The following RBFOX1 variants were observed in gnomAD, a reference collection of about 807,000 sequenced individuals.
RBFOX1 encodes the protein RNA binding protein fox-1 homolog 1.
Under a neutral mutation model 57.7 loss-of-function variants are expected in RBFOX1, and 8 were observed. That is an observed-to-expected ratio of 0.14 (90% CI 0.08 to 0.25). The LOEUF (loss-of-function observed/expected upper bound fraction) is 0.25. RBFOX1 is among the 10% of genes least tolerant of loss of function. RBFOX1 has a pLI of 1.00. For missense variants in RBFOX1, 611 were observed against 548.5 expected (o/e 1.11, Z -1.14); for synonymous variants, 326 against 222.4 (o/e 1.47, Z -4.15).
Position 5,950,888 on chromosome 16 carries a change from A to G in RBFOX1, c.351+83553A>G, listed in dbSNP as rs116929882. Among the ~76,000 whole-genome samples, 52 of 152,182 alleles carry G rather than the reference A, an allele frequency of 3.4e-4. 1 individual carries two copies. The East Asian group carries it at 5.2e-3, about 15-fold the overall frequency. ...GAGGGAGCTAGGGGGAGATGGCATTATGGGGGAGGGGCATCCAACCCAGGC... is the reference window on the plus strand; with the variant it reads ...GAGGGAGCTAGGGGGAGATGGCATTGTGGGGGAGGGGCATCCAACCCAGGC... On this transcript the variant is annotated intron_variant, in intron 4 of 19. Coordinates refer to the RBFOX1 transcript ENST00000641259.
chr16:6,299,112 G>T (rs1435378851), intron 1 of RBFOX1, among the ~76,000 whole-genome samples: 1 of 152,194 alleles, frequency 6.6e-6, no homozygotes, highest in Non-Finnish European at 1.5e-5. Flanking sequence ...GTAACCCCAA[G>T]CAATGCAGCA....
intron 1 of RBFOX1, among the ~76,000 whole-genome samples, chr16:6,303,236 T>G (rs1327681975): frequency 2.0e-5 from 3 of 152,188 alleles, no homozygotes; most frequent in Admixed American, 2.0e-4. Context: ...ATAGCTTAGT[T>G]CCGATCACTT....
At chr16:5,941,819 G>A (rs908869212) in intron 4 of RBFOX1, among the ~76,000 whole-genome samples, 9 of 151,888 alleles carry the variant, frequency 5.9e-5, no homozygotes, top group South Asian at 2.1e-4. Flanking sequence ...TGCTCCGTGC[G>A]AAATAGACAA....
chr16:6,966,573 A>C (rs1208480500), intron 3 of RBFOX1, among the ~76,000 whole-genome samples: 1 of 152,206 alleles, frequency 6.6e-6, no homozygotes, highest in Admixed American at 6.5e-5. Context: ...AAAGAATGGA[A>C]GATACGTTAG....
At chr16:7,149,809 T>G (rs2075772365) in intron 4 of RBFOX1, among the ~76,000 whole-genome samples, 1 of 152,136 alleles carries the variant, frequency 6.6e-6, no homozygotes, top group Non-Finnish European at 1.5e-5. Flanking sequence ...CTAGCCACAT[T>G]GCTTCCTACT....
chr16:7,579,949 C>G (rs774411737), intron 6 of RBFOX1, 29 bp downstream of exon 6: 1 of 1,610,812 alleles, frequency 6.2e-7, no homozygotes, highest in South Asian at 1.1e-5. Context: ...CCCAGCAGTG[C>G]CCGCTCTGGG....
At chr16:5,545,368 A>G (rs911750418) in intron 2 of RBFOX1, among the ~76,000 whole-genome samples, 3 of 152,206 alleles carry the variant, frequency 2.0e-5, no homozygotes, top group Admixed American at 2.0e-4. Flanking sequence ...TTTAGGAGAC[A>G]GGTATTGCCC....
At chr16:5,633,945 A>C (rs886398659) in intron 3 of RBFOX1, among the ~76,000 whole-genome samples, 1 of 152,150 alleles carries the variant, frequency 6.6e-6, no homozygotes, top group East Asian at 1.9e-4. Flanking sequence ...AATGCTCAAC[A>C]TCCCTAATTA....
At chr16:7,476,511 C>G (rs1344113050) in intron 4 of RBFOX1, among the ~76,000 whole-genome samples, 1 of 152,196 alleles carries the variant, frequency 6.6e-6, no homozygotes, top group African/African-American at 2.4e-5. Context: ...TGCCCAGGTT[C>G]ACACAACTCA....
intron 4 of RBFOX1, among the ~76,000 whole-genome samples, chr16:5,912,125 C>G (rs898239267): frequency 1.3e-5 from 2 of 152,152 alleles, no homozygotes; most frequent in African/African-American, 4.8e-5. Flanking sequence ...CAGACCTGAG[C>G]TTCACACCCA....
chr16:6,309,903 T>C (rs774844534), intron 1 of RBFOX1, among the ~76,000 whole-genome samples: 18 of 152,232 alleles, frequency 1.2e-4, no homozygotes, highest in Non-Finnish European at 2.2e-4. Context: ...TTAGTAGTAG[T>C]AGTAGCATTT....
At chr16:6,029,248 G>C (rs149360988) in intron 1 of RBFOX1, among the ~76,000 whole-genome samples, 1 of 152,288 alleles carries the variant, frequency 6.6e-6, no homozygotes, top group African/African-American at 2.4e-5. Flanking sequence ...GGTTTTGTCT[G>C]TGTAAACCTA....
intron 1 of RBFOX1, among the ~76,000 whole-genome samples, chr16:6,226,518 G>C (rs768105242): frequency 7.2e-5 from 11 of 152,108 alleles, no homozygotes; most frequent in Admixed American, 2.6e-4. Context: ...CATTGAAGCG[G>C]TGTTCAAGTT....
At chr16:7,098,119 A>G (rs1599428646) in intron 4 of RBFOX1, among the ~76,000 whole-genome samples, 1 of 152,196 alleles carries the variant, frequency 6.6e-6, no homozygotes, top group South Asian at 2.1e-4. Flanking sequence ...AAGGAACACA[A>G]TTAGTTAATG....
intron 3 of RBFOX1, chr16:5,838,537 T>C (rs1597444939): frequency 6.3e-6 from 1 of 158,436 alleles, no homozygotes; most frequent in African/African-American, 2.4e-5. Context: ...TGTGCTTAGA[T>C]GACTGTTTGG....
rs145857214 is a variant in RBFOX1, at chr16:5,696,341, G to A, written c.318+97380G>A. ...ATCTGGGTTTTCACATGTAATGCCA[G>A]TTTATTCATTTTAACTTCTGTATAA... On this transcript the variant is annotated intron_variant, in intron 3 of 19. Coordinates refer to the RBFOX1 transcript ENST00000641259. 4.4e-3 allele frequency among the ~76,000 whole-genome samples: 668 copies of A among 152,222 alleles called. 5 individuals are homozygous for A. Among genetic ancestry groups the A allele is most frequent in the African/African-American group, 0.015 (633 of 41,532 alleles).
intron 3 of RBFOX1, among the ~76,000 whole-genome samples, chr16:5,807,898 C>T (rs1435558441): frequency 3.3e-5 from 5 of 152,216 alleles, no homozygotes; most frequent in African/African-American, 1.2e-4. Context: ...GGACACTTTC[C>T]AGAACCACAT....
At chr16:7,336,665 C>T (rs2096794320) in intron 4 of RBFOX1, among the ~76,000 whole-genome samples, 2 of 152,180 alleles carry the variant, frequency 1.3e-5, no homozygotes, top group Admixed American at 6.5e-5. Context: ...TTGTTGAACA[C>T]AATATTGTCA....
chr16:7,439,596 T>G (rs1186048148), intron 4 of RBFOX1, among the ~76,000 whole-genome samples: 1 of 152,236 alleles, frequency 6.6e-6, no homozygotes, highest in Non-Finnish European at 1.5e-5. Context: ...ATGCTTTAAA[T>G]GCAAAATGTC....
Sources: gnomAD v4.1 joint callset for allele counts (sites outside exome capture counted in the v4.1 genomes callset) on GRCh38, gnomAD v4.1.1 for gene constraint, MANE v1.5 for transcripts, NCBI Gene and HGNC (gene_info 2026-07-23, HGNC 2026-07-21) for gene names.